NOS1AP: variants seen among roughly 807,000 people sequenced by gnomAD.
NOS1AP encodes nitric oxide synthase 1 adaptor protein.
Under a neutral mutation model 56.2 loss-of-function variants are expected in NOS1AP, and 21 were observed. The observed-to-expected ratio is 0.37, with a 90% CI of 0.26 to 0.54. The LOEUF (loss-of-function observed/expected upper bound fraction) is 0.54. Ranked by LOEUF, NOS1AP falls within the 20% of genes least tolerant of loss-of-function variation. The pLI is 0.84. For synonymous variants in NOS1AP, 270 were observed against 274.6 expected, an observed-to-expected ratio of 0.98 and a Z score of 0.17; for missense variants, 522 against 657.8, an observed-to-expected ratio of 0.79 and a Z score of 2.26.
intron 9 of NOS1AP, among the ~76,000 whole-genome samples, chr1:162,366,400 CTA>C (rs1182223438): frequency 6.6e-6 from 1 of 152,218 alleles, no homozygotes; most frequent in Non-Finnish European, 1.5e-5. Context: ...GGTTAAGTAA[CTA>C]GCTCAAGGTT....
chr1:162,099,667 A>G (rs1448075857), intron 1 of NOS1AP, among the ~76,000 whole-genome samples: 2 of 151,770 alleles, frequency 1.3e-5, no homozygotes, highest in Non-Finnish European at 2.9e-5. Flanking sequence ...GTTTTAGGGT[A>G]CATGTGCACA....
chr1:162,239,404 A>G (rs1402791625), intron 2 of NOS1AP, among the ~76,000 whole-genome samples: 2 of 152,220 alleles, frequency 1.3e-5, no homozygotes, highest in African/African-American at 4.8e-5. Context: ...TTGGAGCCCT[A>G]TTTTGAGTAT....
chr1:162,140,735 G>A lies in NOS1AP; in HGVS notation c.106-13670G>A, dbSNP rs536133320. Among the ~76,000 whole-genome samples the A allele has an allele frequency of 2.2e-3, 329 of 152,218 alleles. 3 individuals carry two copies. The highest frequency in any genetic ancestry group is 2.9e-3 in the Non-Finnish European group (196 of 68,026). On this transcript the variant is annotated intron_variant, in intron 1 of 9. Transcript: ENST00000361897. ...TGAGAAATCTCCAGACTTCTCCACCGTAGCTGGACTAATTTATATTCCCAC... is the reference window on the plus strand; with the variant it reads ...TGAGAAATCTCCAGACTTCTCCACCATAGCTGGACTAATTTATATTCCCAC...
At chr1:162,259,043 G>A (rs1654124007) in intron 2 of NOS1AP, among the ~76,000 whole-genome samples, 1 of 152,114 alleles carries the variant, frequency 6.6e-6, no homozygotes, top group Non-Finnish European at 1.5e-5. Context: ...ATTGCTGAGG[G>A]AGACTAGAAA....
intron 2 of NOS1AP, among the ~76,000 whole-genome samples, chr1:162,227,577 C>A (rs1225152386): frequency 2.6e-5 from 4 of 152,158 alleles, no homozygotes; most frequent in Non-Finnish European, 5.9e-5. Context: ...TGGCAGGTAG[C>A]TCTCCCATGG....
In NOS1AP at chr1:162,355,232, A is replaced by G; in HGVS notation, c.641A>G (p.Glu214Gly). The G allele has an allele frequency of 2.5e-6, 4 of 1,614,176 alleles. No homozygotes were observed. The highest frequency in any genetic ancestry group is 2.5e-6 in the Non-Finnish European group (3 of 1,180,026). Residue 214 changes from glutamate (E) to glycine (G), a missense_variant, in exon 7 of 10, where the codon GAG becomes GGG. Coordinates refer to ENST00000361897, the MANE Select transcript of NOS1AP (RefSeq NM_014697.3). The stretch of plus-strand genomic sequence containing the variant: ...GAGAGGGCCTCCACGGCCACTGCAG[A>G]GGAGACTGACATCGATGCGGTGGAG... Reference protein sequence around the residue: ...GAERASTATAEETDIDAVEVP... With the variant: ...GAERASTATAGETDIDAVEVP...
Position 162,355,205 on chromosome 1 carries a change from C to G in NOS1AP, c.614C>G (p.Ala205Gly). ...CCTGCAGGCCGCCAGCTCACTGGAG[C>G]CGAGAGGGCCTCCACGGCCACTGCA... ...SGDPGRQLTG[A>G]ERASTATAEE... Residue 205 changes from alanine (A) to glycine (G), a missense_variant, in exon 7 of 10, where the codon GCC becomes GGC. Ala to Gly is a moderately conservative substitution (Grantham distance 60). Around this residue, in one of 4 missense-constraint regions of NOS1AP, gnomAD observed 178 missense variants for 165.0 expected, o/e 1.08. Transcript: ENST00000361897. 9 of 1,614,096 alleles carry G rather than the reference C, an allele frequency of 5.6e-6. No homozygotes were observed. The highest frequency in any genetic ancestry group is 7.6e-6 in the Non-Finnish European group (9 of 1,180,022).
chr1:162,099,600 A>G (rs1048733349), intron 1 of NOS1AP, among the ~76,000 whole-genome samples: 1 of 150,666 alleles, frequency 6.6e-6, no homozygotes, highest in Non-Finnish European at 1.5e-5. Flanking sequence ...TTATTTTCAT[A>G]TGATTATTGG....
At position 162,289,209 on chromosome 1, in the gene NOS1AP, TTTCCTTCC is replaced by T. The variant is rs752673036; in HGVS notation, c.270+1836_270+1843del. On this transcript the variant is annotated intron_variant, in intron 3 of 9. Transcript: ENST00000361897. ...TGCCTTTCTTTCCTTCCTTCCTTCC[TTTCCTTCC>T]TTCCTTCCTTCCTTCCTTCCTTCCT... Among the ~76,000 whole-genome samples, 856 of 99,316 alleles carry T rather than the reference TTTCCTTCC, an allele frequency of 8.6e-3. 11 individuals carry two copies. The highest frequency in any genetic ancestry group is 0.02 in the African/African-American group (486 of 23,998). 65.2% of individuals were successfully genotyped at this position (99,316 alleles called of 152,430 possible).
chr1:162,207,953 A>G (rs555362090), intron 2 of NOS1AP, among the ~76,000 whole-genome samples: 1 of 152,350 alleles, frequency 6.6e-6, no homozygotes, highest in East Asian at 1.9e-4. Flanking sequence ...GTCTTTTTCT[A>G]ATTATTTCAT....
intron 2 of NOS1AP, among the ~76,000 whole-genome samples, chr1:162,227,810 C>A (rs2101665088): frequency 6.6e-6 from 1 of 152,174 alleles, no homozygotes; most frequent in Non-Finnish European, 1.5e-5. Context: ...AGTTTGCAAA[C>A]AAATTTCTGC....
At position 162,367,115 on chromosome 1, in the gene NOS1AP, A is replaced by ACCC. The variant is rs1441843487; in HGVS notation, c.1171_1173dup (p.Pro391dup). 13 of 1,613,828 alleles carry ACCC rather than the reference A, an allele frequency of 8.1e-6. No individual in the cohort carries two copies. The highest frequency in any genetic ancestry group is 7.6e-6 in the Non-Finnish European group (9 of 1,179,988). On this transcript the variant is annotated inframe_insertion, in exon 10 of 10. Transcript: ENST00000361897. The surrounding 1 kb of genome is among the most constrained non-coding windows in gnomAD (Gnocchi z 6.5). ...TCCGGAGCCCTGCCCGTGCTCTGTGACCCCACGACCCCTAAGCCAGAGGAC... is the reference window on the plus strand; with the variant it reads ...TCCGGAGCCCTGCCCGTGCTCTGTGACCCCCCCACGACCCCTAAGCCAGAGGAC...
intron 6 of NOS1AP, 38 bp from the exon 7 acceptor site, chr1:162,355,149 T>C: frequency 6.8e-6 from 11 of 1,612,194 alleles, no homozygotes; most frequent in Non-Finnish European, 9.3e-6. Context: ...TTCTCGGTGT[T>C]TTCATTCTCT....
chr1:162,208,137 C>A (rs750396296), intron 2 of NOS1AP, among the ~76,000 whole-genome samples: 2 of 152,042 alleles, frequency 1.3e-5, no homozygotes, highest in Admixed American at 1.3e-4. Flanking sequence ...CTATTGGAGC[C>A]CCTCAGCTCA....
chr1:162,298,633 G>T (rs1291163493), intron 3 of NOS1AP, among the ~76,000 whole-genome samples: 1 of 152,206 alleles, frequency 6.6e-6, no homozygotes, highest in African/African-American at 2.4e-5. Context: ...TACTCAAAAT[G>T]TCTAGGCTTC....
chr1:162,088,798 G>A (rs1692061340), intron 1 of NOS1AP, among the ~76,000 whole-genome samples: 2 of 152,144 alleles, frequency 1.3e-5, no homozygotes, highest in African/African-American at 4.8e-5. Context: ...CATTTGGCTG[G>A]ACACTGCTAG....
chr1:162,235,664 T>C lies in NOS1AP; in HGVS notation c.178-51680T>C, dbSNP rs1023265920. Among the ~76,000 whole-genome samples the C allele has an allele frequency of 3.3e-5, 5 of 152,038 alleles. No homozygotes were observed. In the East Asian group the frequency reaches 5.8e-4, roughly 18 times the overall value. On this transcript the variant is annotated intron_variant, in intron 2 of 9. Coordinates refer to ENST00000361897, the MANE Select transcript of NOS1AP (RefSeq NM_014697.3). ...ATTAAAACCAGGCCTGTGTACGTGG[T>C]TTTAATTAAGCAGAGTAGTGACTGC...
intron 2 of NOS1AP, among the ~76,000 whole-genome samples, chr1:162,241,684 C>A (rs958207032): frequency 6.6e-6 from 1 of 152,144 alleles, no homozygotes; most frequent in Non-Finnish European, 1.5e-5. Context: ...AGAGTCCAGG[C>A]TCTTAATTCC....
In NOS1AP at chr1:162,367,698, G is replaced by T. The variant is rs543768555; in HGVS notation, c.*231G>T. 1.4e-5 allele frequency: 8 copies of T among 571,062 alleles called. No homozygotes were observed. The highest frequency in any genetic ancestry group is 9.3e-5 in the African/African-American group (5 of 53,490). The allele number at this position is 571,062 out of a possible 1,614,324, so 35.4% of individuals were successfully genotyped here. A position where few individuals can be genotyped will look rare whatever the true frequency, so the allele number is the denominator to read the frequency against. On this transcript the variant is annotated 3_prime_UTR_variant, in exon 10 of 10. Transcript: ENST00000361897. This position sits in a 1 kb window ranked among gnomAD's most constrained non-coding sequence, Gnocchi z 6.5. ...CTCCTCTCCTACTTGTGACTAGAGGGTGGTGGAGGTAAGGCCTTCCAGAGC... is the reference window on the plus strand; with the variant it reads ...CTCCTCTCCTACTTGTGACTAGAGGTTGGTGGAGGTAAGGCCTTCCAGAGC...
Sources: gnomAD v4.1 joint callset for allele counts (sites outside exome capture counted in the v4.1 genomes callset) on GRCh38, gnomAD v4.1.1 for gene constraint, gnomAD v4.1.1 regional missense constraint, Gnocchi (gnomAD v3.1) non-coding constraint, MANE v1.5 for transcripts, NCBI Gene and HGNC (gene_info 2026-07-23, HGNC 2026-07-21) for gene names.